Variants in EPHA6 observed in about 807,000 individuals in gnomAD.
The protein encoded by EPHA6 is EPH receptor A6, also known as ephrin type-A receptor 6.
EPHA6 carries 50 observed loss-of-function variants against 112.0 expected under a neutral mutation model. The ratio of observed to expected loss-of-function variants is 0.45; its 90% CI spans 0.36 to 0.56. The LOEUF (loss-of-function observed/expected upper bound fraction) is 0.56. Among genes scored for constraint, EPHA6 ranks in the 20% least tolerant of loss-of-function variants. The probability of loss-of-function intolerance (pLI) is 0.00; values close to 1 mark genes in which losing one functional copy is unlikely to be tolerated. For synonymous variants in EPHA6, 529 were observed against 490.7 expected (o/e 1.08, Z -1.03); for missense variants, 1,280 against 1,417.4 (o/e 0.90, Z 1.56).
At chr3:97,746,375 T>C (rs1187835925) in intron 16 of EPHA6, among the ~76,000 whole-genome samples, 1 of 151,840 alleles carries the variant, frequency 6.6e-6, no homozygotes, top group Non-Finnish European at 1.5e-5. Context: ...CATTTATTAC[T>C]ATAAAAGCAC....
intron 11 of EPHA6, among the ~76,000 whole-genome samples, chr3:97,590,624 G>C (rs2093534222): frequency 6.6e-6 from 1 of 151,800 alleles, no homozygotes; most frequent in Non-Finnish European, 1.5e-5. Context: ...TCATGACTAT[G>C]TTATTATGTT....
At chr3:96,862,159 T>C (rs924763508) in intron 1 of EPHA6, among the ~76,000 whole-genome samples, 2 of 152,004 alleles carry the variant, frequency 1.3e-5, no homozygotes, top group African/African-American at 2.4e-5. Flanking sequence ...ACATGTTTGT[T>C]TATATATCTA....
intron 6 of EPHA6, among the ~76,000 whole-genome samples, chr3:97,423,701 C>G (rs2088866431): frequency 6.6e-6 from 1 of 152,106 alleles, no homozygotes; most frequent in South Asian, 2.1e-4. Context: ...CATAGCTATT[C>G]TAATCCTAAG....
chr3:97,622,287 C>T (rs529076753), intron 13 of EPHA6, among the ~76,000 whole-genome samples: 8 of 151,860 alleles, frequency 5.3e-5, no homozygotes, highest in East Asian at 3.9e-4. Flanking sequence ...AACAGCATTC[C>T]GCTGTCTGTC....
intron 11 of EPHA6, among the ~76,000 whole-genome samples, chr3:97,576,404 C>T (rs1289829348): frequency 6.6e-6 from 1 of 152,156 alleles, no homozygotes; most frequent in East Asian, 1.9e-4. Flanking sequence ...CTTGCCACCT[C>T]CCTTACATCC....
chr3:97,653,503 G>A (rs558977366), intron 14 of EPHA6, among the ~76,000 whole-genome samples: 38 of 152,012 alleles, frequency 2.5e-4, no homozygotes, highest in Non-Finnish European at 4.7e-4. Context: ...ACAAAAAATA[G>A]CAAGTGGTGG....
chr3:97,334,580 A>C (rs966922350), intron 5 of EPHA6, among the ~76,000 whole-genome samples: 23 of 151,000 alleles, frequency 1.5e-4, no homozygotes, highest in African/African-American at 5.6e-4. Context: ...ACCGTGCTCA[A>C]GCAGTTCTCT....
intron 3 of EPHA6, among the ~76,000 whole-genome samples, chr3:97,190,546 AC>A (rs2077274038): frequency 6.6e-6 from 1 of 152,116 alleles, no homozygotes; most frequent in Non-Finnish European, 1.5e-5. Context: ...ATCTGGAGGA[AC>A]CCAAATTAAA....
chr3:96,886,220 G>GT (rs2037611576), intron 2 of EPHA6, among the ~76,000 whole-genome samples: 1 of 152,104 alleles, frequency 6.6e-6, no homozygotes, highest in Admixed American at 6.6e-5. Flanking sequence ...TAAGTCCGTT[G>GT]TTTCTTTGTT....
chr3:97,555,185 G>T (rs1421641988), intron 11 of EPHA6, among the ~76,000 whole-genome samples: 3 of 151,450 alleles, frequency 2.0e-5, no homozygotes, highest in African/African-American at 7.3e-5. Context: ...GCGGTGTTTG[G>T]TTTTTTGTCC....
At chr3:97,145,992 T>A (rs1337170186) in intron 3 of EPHA6, among the ~76,000 whole-genome samples, 1 of 151,634 alleles carries the variant, frequency 6.6e-6, no homozygotes, top group African/African-American at 2.4e-5. Flanking sequence ...ATTAGCAAAT[T>A]TACCCCCAAA....
At chr3:97,354,201 TATA>T (rs1346515617) in intron 5 of EPHA6, among the ~76,000 whole-genome samples, 5 of 152,148 alleles carry the variant, frequency 3.3e-5, no homozygotes, top group Non-Finnish European at 7.3e-5. Context: ...CTGTGAAGAC[TATA>T]ATAATACCTA....
chr3:97,507,269 T>C (rs1010412666), intron 10 of EPHA6, among the ~76,000 whole-genome samples: 11 of 152,224 alleles, frequency 7.2e-5, no homozygotes, highest in African/African-American at 2.7e-4. Context: ...CTTCCAGCTT[T>C]TGCCCATTCA....
At chr3:97,699,328 G>A (rs1254320602) in intron 14 of EPHA6, among the ~76,000 whole-genome samples, 1 of 152,150 alleles carries the variant, frequency 6.6e-6, no homozygotes, top group Non-Finnish European at 1.5e-5. Flanking sequence ...GTTCAGCAGA[G>A]ACACTAATAT....
chr3:97,156,016 T>G (rs2076280965), intron 3 of EPHA6, among the ~76,000 whole-genome samples: 1 of 152,218 alleles, frequency 6.6e-6, no homozygotes, highest in Non-Finnish European at 1.5e-5. Flanking sequence ...TATTAAGGTC[T>G]GTAACCTTAA....
intron 5 of EPHA6, among the ~76,000 whole-genome samples, chr3:97,256,932 A>G (rs2079333470): frequency 6.6e-6 from 1 of 152,048 alleles, no homozygotes; most frequent in African/African-American, 2.4e-5. Context: ...TAATTAGCTT[A>G]TGTATCAGAA....
chr3:97,032,903 T>C (rs1310538830), intron 3 of EPHA6, among the ~76,000 whole-genome samples: 2 of 151,950 alleles, frequency 1.3e-5, no homozygotes, highest in Non-Finnish European at 2.9e-5. Context: ...TGTCATAGTC[T>C]TGTTTGTGAG....
chr3:97,448,874 C>T (rs1227125787), intron 7 of EPHA6, 144 bp downstream of exon 7: 1 of 737,824 alleles, frequency 1.4e-6, no homozygotes, highest in Non-Finnish European at 2.2e-6. Flanking sequence ...ACAGTCATTT[C>T]AGTTAATATT....
intron 11 of EPHA6, among the ~76,000 whole-genome samples, chr3:97,532,866 GT>G (rs2092711373): frequency 6.6e-6 from 1 of 151,962 alleles, no homozygotes. Context: ...CACTTTCAGT[GT>G]TTTGGGTCAT....
Sources: gnomAD v4.1 joint callset for allele counts (sites outside exome capture counted in the v4.1 genomes callset) on GRCh38, gnomAD v4.1.1 for gene constraint, MANE v1.5 for transcripts, NCBI Gene and HGNC (gene_info 2026-07-23, HGNC 2026-07-21) for gene names.